The following TMTC2 variants were observed in gnomAD, a reference collection of about 807,000 sequenced individuals.
TMTC2 encodes the protein protein O-mannosyl-transferase TMTC2.
In TMTC2, 43 loss-of-function variants were observed where a neutral mutation model predicts 82.4. The ratio of observed to expected loss-of-function variants is 0.52; its 90% CI spans 0.41 to 0.67. The LOEUF is 0.67. TMTC2 is among the 30% of genes least tolerant of loss of function. The pLI is 0.00. For missense variants in TMTC2, 919 were observed against 1,012.4 expected (o/e 0.91, Z 1.25); for synonymous variants, 408 against 381.9 (o/e 1.07, Z -0.80).
chr12:82,805,497 CTTTTTTTTTTTTTT>C (rs753878105), intron 1 of TMTC2, among the ~76,000 whole-genome samples: 1 of 90,564 alleles, frequency 1.1e-5, no homozygotes, highest in Non-Finnish European at 2.0e-5. Context: ...CCTCTCCCCA[CTTTTTTTTTTTTTT>C]TTTTTTTTTT....
intron 11 of TMTC2, among the ~76,000 whole-genome samples, chr12:83,092,271 A>G (rs1380755331): frequency 6.6e-6 from 1 of 152,160 alleles, no homozygotes; most frequent in Non-Finnish European, 1.5e-5. Context: ...TCCCAGCCTC[A>G]CATAGAGCTT....
chr12:82,955,703 T>G (rs1447266681), intron 4 of TMTC2, among the ~76,000 whole-genome samples: 1 of 152,178 alleles, frequency 6.6e-6, no homozygotes, highest in African/African-American at 2.4e-5. Context: ...TCCAGGTGTA[T>G]TTTCTTTCTT....
At position 83,133,242 on chromosome 12, in the gene TMTC2, T is replaced by G. The variant is rs183549550; in HGVS notation, c.*853T>G. 13 of 152,328 alleles carry G rather than the reference T, an allele frequency of 8.5e-5. No individual in the cohort carries two copies. Among genetic ancestry groups the G allele is most frequent in the African/African-American group, 2.6e-4 (11 of 41,564 alleles). The allele number at this position is 152,328 out of a possible 1,614,324, so 9.4% of individuals were successfully genotyped here. A position where few individuals can be genotyped will look rare whatever the true frequency, so the allele number is the denominator to read the frequency against. On this transcript the variant is annotated 3_prime_UTR_variant, in exon 12 of 12. Coordinates refer to ENST00000321196, the MANE Select transcript of TMTC2 (RefSeq NM_152588.3). Reference sequence around the variant, plus strand: ...GCTATTCCTGGAGAATGTGCAAGCTTACATAAGGATAAAGGACAGGGGAGG... The same window carrying G: ...GCTATTCCTGGAGAATGTGCAAGCTGACATAAGGATAAAGGACAGGGGAGG...
intron 2 of TMTC2, among the ~76,000 whole-genome samples, chr12:82,882,715 A>G (rs1872893452): frequency 6.6e-6 from 1 of 152,132 alleles, no homozygotes; most frequent in Non-Finnish European, 1.5e-5. Context: ...TTGAAATAAG[A>G]ATTATGAAAC....
intron 8 of TMTC2, among the ~76,000 whole-genome samples, chr12:82,991,559 C>T (rs1694557408): frequency 6.6e-6 from 1 of 152,116 alleles, no homozygotes; most frequent in African/African-American, 2.4e-5. Flanking sequence ...GTATTAGAGT[C>T]ATTGTAGCCT....
At chr12:82,725,074 A>G (rs1169920500) in intron 1 of TMTC2, among the ~76,000 whole-genome samples, 2 of 152,182 alleles carry the variant, frequency 1.3e-5, no homozygotes, top group African/African-American at 4.8e-5. Context: ...GTAAGAAATT[A>G]TAAATTTGAT....
chr12:82,942,826 A>G (rs1876791247), intron 4 of TMTC2, among the ~76,000 whole-genome samples: 1 of 152,146 alleles, frequency 6.6e-6, no homozygotes, highest in Non-Finnish European at 1.5e-5. Context: ...AAATACATCT[A>G]GCTTAATTTT....
intron 4 of TMTC2, among the ~76,000 whole-genome samples, chr12:82,957,806 G>T (rs1877695318): frequency 6.6e-6 from 1 of 151,860 alleles, no homozygotes; most frequent in Admixed American, 6.6e-5. Context: ...GATTGAACCT[G>T]GAAGAAATAA....
intron 11 of TMTC2, among the ~76,000 whole-genome samples, chr12:83,074,631 A>G (rs1883224477): frequency 6.6e-6 from 1 of 152,032 alleles, no homozygotes; most frequent in African/African-American, 2.4e-5. Context: ...GAAAGCCAGC[A>G]GTCACAGGCC....
chr12:82,868,784 C>T (rs1239750806), intron 2 of TMTC2, among the ~76,000 whole-genome samples: 1 of 150,708 alleles, frequency 6.6e-6, no homozygotes, highest in Non-Finnish European at 1.5e-5. Flanking sequence ...AATGTTGTTG[C>T]AGCTGATCCC....
intron 7 of TMTC2, among the ~76,000 whole-genome samples, chr12:82,972,970 A>G (rs961788048): frequency 2.6e-5 from 4 of 152,134 alleles, no homozygotes; most frequent in Admixed American, 6.5e-5. Flanking sequence ...TTTTGACATG[A>G]TGGTTTATAT....
At chr12:83,077,118 TA>T (rs1883306224) in intron 11 of TMTC2, among the ~76,000 whole-genome samples, 1 of 152,190 alleles carries the variant, frequency 6.6e-6, no homozygotes, top group Non-Finnish European at 1.5e-5. Context: ...TGGGAATTTA[TA>T]GTGAAAGAGT....
chr12:82,774,685 C>G (rs1877496034), intron 1 of TMTC2, among the ~76,000 whole-genome samples: 1 of 146,680 alleles, frequency 6.8e-6, no homozygotes, highest in Non-Finnish European at 1.5e-5. Context: ...GAGCCATCCT[C>G]AAGAGCAGGC....
At chr12:83,039,063 C>T (rs1327540201) in intron 9 of TMTC2, among the ~76,000 whole-genome samples, 1 of 151,722 alleles carries the variant, frequency 6.6e-6, no homozygotes, top group East Asian at 1.9e-4. Flanking sequence ...TCCCGAATAG[C>T]CGGTATTATA....
chr12:83,072,464 G>C (rs1263094168), intron 11 of TMTC2, among the ~76,000 whole-genome samples: 1 of 152,080 alleles, frequency 6.6e-6, no homozygotes, highest in Non-Finnish European at 1.5e-5. Flanking sequence ...CTGTTGAATA[G>C]AATGTGTATT....
intron 9 of TMTC2, among the ~76,000 whole-genome samples, chr12:83,040,038 A>C (rs188292733): frequency 6.6e-6 from 1 of 152,370 alleles, no homozygotes; most frequent in East Asian, 1.9e-4. Context: ...TCAGTGTTTA[A>C]CAATTACATT....
chr12:83,080,474 T>C (rs911351195), intron 11 of TMTC2, among the ~76,000 whole-genome samples: 4 of 152,142 alleles, frequency 2.6e-5, no homozygotes, highest in Non-Finnish European at 5.9e-5. Flanking sequence ...ACCATAAAAT[T>C]GTAATTTAAA....
intron 1 of TMTC2, among the ~76,000 whole-genome samples, chr12:82,771,350 T>C (rs1243473548): frequency 6.6e-6 from 1 of 152,178 alleles, no homozygotes; most frequent in Non-Finnish European, 1.5e-5. Context: ...TTTTGGTCTT[T>C]CAATTAAATA....
At chr12:82,972,681 A>G (rs575717490) in intron 7 of TMTC2, among the ~76,000 whole-genome samples, 1 of 152,308 alleles carries the variant, frequency 6.6e-6, no homozygotes, top group African/African-American at 2.4e-5. Context: ...AGTTTTTTAA[A>G]CTATTATTTA....
Sources: gnomAD v4.1 joint callset for allele counts (sites outside exome capture counted in the v4.1 genomes callset) on GRCh38, gnomAD v4.1.1 for gene constraint, MANE v1.5 for transcripts, NCBI Gene and HGNC (gene_info 2026-07-23, HGNC 2026-07-21) for gene names.